The following AQP10 variants were observed in gnomAD, a reference collection of about 807,000 sequenced individuals.
AQP10 encodes aquaporin 10, also known as aquaporin-10.
Under a neutral mutation model 21.0 loss-of-function variants are expected in AQP10, and 15 were observed. The observed-to-expected ratio is 0.71, with a 90% CI of 0.48 to 1.10. AQP10 has a LOEUF of 1.10. Ranked by LOEUF, AQP10 falls within the 50% of genes least tolerant of loss-of-function variation. The pLI, the probability that AQP10 is intolerant of heterozygous loss-of-function variation, is 0.00. For synonymous variants in AQP10, 143 were observed against 155.7 expected, an observed-to-expected ratio of 0.92 and a Z score of 0.61; for missense variants, 268 against 379.5, an observed-to-expected ratio of 0.71 and a Z score of 2.44.
chr1:154,323,755 T>C lies in AQP10; in HGVS notation c.656T>C (p.Leu219Pro). The C allele has an allele frequency of 6.2e-7, 1 of 1,614,202 alleles. No individual in the cohort carries two copies. Among genetic ancestry groups the C allele is most frequent in the Non-Finnish European group, 8.5e-7 (1 of 1,180,028 alleles). The change falls in exon 5 of 6, where the codon CTG (leucine) becomes CCG (proline). Residue 219 changes from leucine to proline, a missense_variant. Around this residue, in one of 3 missense-constraint regions of AQP10, gnomAD observed 229 missense variants for 295.1 expected, o/e 0.78. Transcript: ENST00000324978. The surrounding 1 kb of genome is among the most constrained non-coding windows in gnomAD (Gnocchi z 4.5). ...ATTCCACTCAACCCTGCCCGGGACC[T>C]GGGCCCACGTCTCTTCACCTACGTG... is the stretch of plus-strand genomic sequence containing the variant. The part of the protein sequence containing the change: ...CGIPLNPARD[L>P]GPRLFTYVAG...
Position 154,323,825 on chromosome 1 carries a change from T to C in AQP10, c.707+19T>C, listed in dbSNP as rs754121718. 2.3e-5 allele frequency: 37 copies of C among 1,612,070 alleles called. No individual in the cohort carries two copies. The highest frequency in any genetic ancestry group is 1.6e-4 in the Middle Eastern group (1 of 6,080). The stretch of plus-strand genomic sequence containing the variant: ...TCTTCAGGTGGGAGACAGACTCTCC[T>C]GGTGCTGGCCTCCACTCACCTTCCT... On this transcript the variant is annotated intron_variant, in intron 5 of 5. Transcript: ENST00000324978. This position sits in a 1 kb window ranked among gnomAD's most constrained non-coding sequence, Gnocchi z 4.5.
Position 154,323,362 on chromosome 1 carries a change from A to G in AQP10, c.489+3A>G. On this transcript the variant is annotated splice_donor_region_variant and intron_variant, in intron 4 of 5. Transcript: ENST00000324978. This position sits in a 1 kb window ranked among gnomAD's most constrained non-coding sequence, Gnocchi z 4.5. Reference sequence around the variant, plus strand: ...TGAACAATGGCTTCCTGGATCAGGTAAGTGTGAGGGGGAGACCTGGGGACA... The same window carrying G: ...TGAACAATGGCTTCCTGGATCAGGTGAGTGTGAGGGGGAGACCTGGGGACA... 6.2e-7 allele frequency: 1 copy of G among 1,612,244 alleles called. No individual in the cohort carries two copies. Among genetic ancestry groups the G allele is most frequent in the South Asian group, 1.1e-5 (1 of 91,016 alleles).
At position 154,323,628 on chromosome 1, in the gene AQP10, A is replaced by G; in HGVS notation, c.529A>G (p.Ile177Val). 1 of 1,614,170 alleles carries G rather than the reference A, an allele frequency of 6.2e-7. No homozygotes were observed. Among genetic ancestry groups the G allele is most frequent in the Non-Finnish European group, 8.5e-7 (1 of 1,180,014 alleles). ...GATGCTGATTGTGGGGCTCTTGGCC[A>G]TCCTGGACAGACGGAACAAGGGAGT... ...TGMLIVGLLA[I>V]LDRRNKGVPA... is the part of the protein sequence containing the mutation. The change falls in exon 5 of 6, where the codon ATC (isoleucine) becomes GTC (valine). Residue 177 changes from isoleucine to valine, a missense_variant. By Grantham distance (29) the Ile-to-Val change is conservative. Around this residue, in one of 3 missense-constraint regions of AQP10, gnomAD observed 229 missense variants for 295.1 expected, o/e 0.78. Transcript: ENST00000324978. The surrounding 1 kb of genome is among the most constrained non-coding windows in gnomAD (Gnocchi z 4.5).
Position 154,324,467 on chromosome 1 carries a change from A to G in AQP10, c.893A>G (p.Glu298Gly), listed in dbSNP as rs1685717234. The G allele has an allele frequency of 6.2e-7, 1 of 1,613,422 alleles. No individual in the cohort carries two copies. Among genetic ancestry groups the G allele is most frequent in the Non-Finnish European group, 8.5e-7 (1 of 1,179,854 alleles). ...ACTCCTGCCTCAGCTCAGATGCTGGAGTGTAAGCTATGATTAGGACAACCC... is the reference window on the plus strand; with the variant it reads ...ACTCCTGCCTCAGCTCAGATGCTGGGGTGTAAGCTATGATTAGGACAACCC... ...LETPASAQMLECKL is the reference protein window; with the variant it reads ...LETPASAQMLGCKL Residue 298 changes from glutamate to glycine, a missense_variant, in exon 6 of 6, where the codon GAG becomes GGG. By Grantham distance (98) the Glu-to-Gly change is moderately conservative. This residue lies in a region of AQP10 where 229 missense variants were observed against 295.1 expected (regional missense o/e 0.78). Coordinates refer to ENST00000324978, the MANE Select transcript of AQP10 (RefSeq NM_080429.3).
At chr1:154,321,912 C>T (rs369668493) in intron 1 of AQP10, 21 bp from the exon 2 acceptor site, 201 of 1,611,050 alleles carry the variant, frequency 1.2e-4, no homozygotes, top group Non-Finnish European at 1.6e-4. Flanking sequence ...CCCTGTTCCT[C>T]ATCTCTCCTC....
intron 2 of AQP10, among the ~76,000 whole-genome samples, chr1:154,322,639 C>T (rs1282371900): frequency 2.6e-5 from 4 of 152,018 alleles, no homozygotes; most frequent in Non-Finnish European, 4.4e-5. Context: ...GCTGATTTTA[C>T]AGGCACCTGC....
At position 154,323,991 on chromosome 1, in the gene AQP10, A is replaced by G. The variant is rs575017083; in HGVS notation, c.707+185A>G. The G allele has an allele frequency of 2.8e-6, 4 of 1,450,956 alleles. No homozygotes were observed. Among genetic ancestry groups the G allele is most frequent in the African/African-American group, 2.9e-5 (2 of 70,068 alleles). The allele number at this position is 1,450,956 out of a possible 1,614,324, so 89.9% of individuals were successfully genotyped here. A position where few individuals can be genotyped will look rare whatever the true frequency, so the allele number is the denominator to read the frequency against. On this transcript the variant is annotated intron_variant, in intron 5 of 5. Coordinates refer to ENST00000324978, the MANE Select transcript of AQP10 (RefSeq NM_080429.3). The surrounding 1 kb of genome is among the most constrained non-coding windows in gnomAD (Gnocchi z 4.5). The stretch of plus-strand genomic sequence containing the variant: ...CCTCCCAACTTTTCACTGAAACAGT[A>G]AGATTTAGAGGTTGTGTTCTTAGGC...
chr1:154,322,042 T>C lies in AQP10; in HGVS notation c.215T>C (p.Val72Ala), dbSNP rs199806224. 17 of 1,613,508 alleles carry C rather than the reference T, an allele frequency of 1.1e-5. No homozygotes were observed. The highest frequency in any genetic ancestry group is 1.4e-5 in the Non-Finnish European group (16 of 1,179,696). Residue 72 changes from valine (V) to alanine (A), a missense_variant, in exon 2 of 6, where the codon GTG becomes GCG. Physicochemically the swap from Val to Ala is moderately conservative, Grantham distance 64. This residue lies in a region of AQP10 where 229 missense variants were observed against 295.1 expected (regional missense o/e 0.78). Transcript: ENST00000324978. ...CTGGCCGTTACGATAGCCATCTACG[T>C]GGGTGGTAACGTCTCAGGTGAGGAG... ...GSLAVTIAIY[V>A]GGNVSGAHLN...
intron 2 of AQP10, 74 bp from the exon 3 acceptor site, chr1:154,322,908 A>G: frequency 1.9e-6 from 3 of 1,567,450 alleles, no homozygotes; most frequent in Non-Finnish European, 1.8e-6. Flanking sequence ...AGGAAGGAGC[A>G]GTAGTGTTGT....
rs934672125 is a variant in AQP10 at position 154,323,589 on chromosome 1, G to C, written c.490G>C (p.Val164Leu). ...LSLNNGFLDQVLGTGMLIVGL... is the reference protein window; with the variant it reads ...LSLNNGFLDQLLGTGMLIVGL... ...ACCCTCTGCCTCTGTTGACTCCAAG[G>C]TTCTGGGCACTGGGATGCTGATTGT... The change falls in exon 5 of 6, where the codon GTT (valine) becomes CTT (leucine). Residue 164 changes from valine to leucine, a missense_variant and splice_region_variant. Physicochemically the swap from Val to Leu is conservative, Grantham distance 32. Transcript: ENST00000324978. This position sits in a 1 kb window ranked among gnomAD's most constrained non-coding sequence, Gnocchi z 4.5. 6.2e-7 allele frequency: 1 copy of C among 1,613,170 alleles called. No individual in the cohort carries two copies. The highest frequency in any genetic ancestry group is 1.3e-5 in the African/African-American group (1 of 75,040).
chr1:154,322,155 G>C, intron 2 of AQP10, 96 bp downstream of exon 2: 7 of 1,529,680 alleles, frequency 4.6e-6, no homozygotes, highest in Non-Finnish European at 6.2e-6. Context: ...TCTGTGACTC[G>C]TGGACATTAT....
chr1:154,322,866 A>G, intron 2 of AQP10, 116 bp from the exon 3 acceptor site: 3 of 1,324,740 alleles, frequency 2.3e-6, no homozygotes, highest in Non-Finnish European at 3.1e-6. Context: ...AAGCTGTGTG[A>G]TGAGAATTAC....
rs755930334 is a variant in AQP10 at position 154,324,412 on chromosome 1, T to A, written c.838T>A (p.Ser280Thr). Residue 280 changes from serine to threonine, a missense_variant, in exon 6 of 6, where the codon TCT (serine) becomes ACT (threonine). Around this residue, in one of 3 missense-constraint regions of AQP10, gnomAD observed 229 missense variants for 295.1 expected, o/e 0.78. Transcript: ENST00000324978. Reference sequence around the variant, plus strand: ...CCCAGAGCCAGCTCAGGATCTGGTGTCTGCTCAACACAAAGCCTCAGAGTT... The same window carrying A: ...CCCAGAGCCAGCTCAGGATCTGGTGACTGCTCAACACAAAGCCTCAGAGTT... ...EGPEPAQDLV[S>T]AQHKASELET... 4 of 1,613,630 alleles carry A rather than the reference T, an allele frequency of 2.5e-6. No homozygotes were observed. In the African/African-American group the frequency reaches 5.3e-5, roughly 22 times the overall value.
In AQP10 at chr1:154,324,661, T is replaced by C. The variant is rs1685723030; in HGVS notation, c.*181T>C. ...CTGGACAGGGAGAAGTGGAGGAGGA[T>C]AAGGTACCAGGACTCAGGCTTCTCA... On this transcript the variant is annotated 3_prime_UTR_variant, in exon 6 of 6. Transcript: ENST00000324978. 1.6e-5 allele frequency: 10 copies of C among 622,658 alleles called. No individual in the cohort carries two copies. The highest frequency in any genetic ancestry group is 2.1e-5 in the Non-Finnish European group (8 of 384,156). The allele number at this position is 622,658 out of a possible 1,614,324, so 38.6% of individuals were successfully genotyped here.
At chr1:154,324,237 T>C in intron 5 of AQP10, 45 bp from the exon 6 acceptor site, 1 of 1,491,330 alleles carries the variant, frequency 6.7e-7, no homozygotes, top group Non-Finnish European at 8.9e-7. Flanking sequence ...AGGGGAAGGC[T>C]AAGGGAGTCA....
chr1:154,323,218 C>G lies in AQP10; in HGVS notation c.371-23C>G. Reference sequence around the variant, plus strand: ...GGATGAATGAGCAAAGAGGGAAATCCTGGGTGTTCCCTTCCTCCACAGATG... The same window carrying G: ...GGATGAATGAGCAAAGAGGGAAATCGTGGGTGTTCCCTTCCTCCACAGATG... On this transcript the variant is annotated intron_variant, in intron 3 of 5. Transcript: ENST00000324978. This position sits in a 1 kb window ranked among gnomAD's most constrained non-coding sequence, Gnocchi z 4.5. 6.2e-7 allele frequency: 1 copy of G among 1,613,738 alleles called. No homozygotes were observed. Among genetic ancestry groups the G allele is most frequent in the Non-Finnish European group, 8.5e-7 (1 of 1,179,662 alleles).
chr1:154,322,476 A>C (rs540751571), intron 2 of AQP10, among the ~76,000 whole-genome samples: 1 of 132,770 alleles, frequency 7.5e-6, no homozygotes, highest in African/African-American at 2.9e-5. Flanking sequence ...CTTTGGATTC[A>C]CAGTGTCTTC....
chr1:154,321,324 T>C, intron 1 of AQP10, 64 bp downstream of exon 1: 1 of 1,331,674 alleles, frequency 7.5e-7, no homozygotes, highest in African/African-American at 1.5e-5. Flanking sequence ...CTCCTTCTGT[T>C]GTCCTTATCT....
At chr1:154,322,490 T>TTC (rs1553294328) in intron 2 of AQP10, among the ~76,000 whole-genome samples, 128 of 33,344 alleles carry the variant, frequency 3.8e-3, no homozygotes, top group African/African-American at 9.1e-3. Context: ...TGTCTTCTTC[T>TTC]TTTTTTTTTT....
Sources: gnomAD v4.1 joint callset for allele counts (sites outside exome capture counted in the v4.1 genomes callset) on GRCh38, gnomAD v4.1.1 for gene constraint, gnomAD v4.1.1 regional missense constraint, Gnocchi (gnomAD v3.1) non-coding constraint, MANE v1.5 for transcripts, NCBI Gene and HGNC (gene_info 2026-07-23, HGNC 2026-07-21) for gene names.